The following PXN variants were observed in gnomAD, a reference collection of about 807,000 sequenced individuals.
PXN encodes the protein testicular tissue protein Li 134.
In PXN, 61 loss-of-function variants were observed where a neutral mutation model predicts 103.6. The observed-to-expected ratio is 0.59, with a 90% CI of 0.48 to 0.73. The LOEUF is 0.73. Ranked by LOEUF, PXN falls within the 30% of genes least tolerant of loss-of-function variation. The pLI is 0.00. For missense variants in PXN, 1,274 were observed against 1,460.3 expected, an observed-to-expected ratio of 0.87 and a Z score of 2.08; for synonymous variants, 562 against 607.8, an observed-to-expected ratio of 0.92 and a Z score of 1.11.
In PXN at chr12:120,212,238, C is replaced by A; in HGVS notation, c.*76G>T. The A allele has an allele frequency of 6.5e-7, 1 of 1,537,566 alleles. No homozygotes were observed. The highest frequency in any genetic ancestry group is 8.8e-7 in the Non-Finnish European group (1 of 1,137,826). On this transcript the variant is annotated 3_prime_UTR_variant, in exon 15 of 15. Transcript: ENST00000637617. The surrounding 1 kb of genome is among the most constrained non-coding windows in gnomAD (Gnocchi z 7.2). ...TCAGTCGGGTTTACCCCTTCACCCCCGGGTGAAGTCTCTAGGTCACAGTCG... is the reference window on the plus strand; with the variant it reads ...TCAGTCGGGTTTACCCCTTCACCCCAGGGTGAAGTCTCTAGGTCACAGTCG...
intron 1 of PXN, among the ~76,000 whole-genome samples, chr12:120,246,854 TAA>T (rs869044889): frequency 2.1e-4 from 27 of 128,610 alleles, no homozygotes; most frequent in Non-Finnish European, 1.8e-4. Context: ...GAATCTGTCT[TAA>T]AAAAAAAAAA....
At position 120,219,907 on chromosome 12, in the gene PXN, C is replaced by A. The variant is rs370039679; in HGVS notation, c.1016G>T (p.Gly339Val). The A allele has an allele frequency of 6.3e-7, 1 of 1,598,248 alleles. No homozygotes were observed. Among genetic ancestry groups the A allele is most frequent in the East Asian group, 2.2e-5 (1 of 44,872 alleles). ...EFPCTEQSGR[G>V]LLPPVAPSWL... is the part of the protein sequence containing the mutation. The stretch of plus-strand genomic sequence containing the variant: ...GCTGGGGGCTACAGGAGGTAGAAGG[C>A]CTCGTCCACTCTGCTCAGTACAAGG... The change falls in exon 7 of 15, where the codon GGC becomes GTC. Residue 339 changes from glycine to valine, a missense_variant. By Grantham distance (109) the Gly-to-Val change is moderately radical. Coordinates refer to ENST00000637617, the MANE Select transcript of PXN (RefSeq NM_001385981.1). The surrounding 1 kb of genome is among the most constrained non-coding windows in gnomAD (Gnocchi z 6.5).
chr12:120,259,719 T>C (rs1399674931), intron 1 of PXN, among the ~76,000 whole-genome samples: 1 of 152,124 alleles, frequency 6.6e-6, no homozygotes, highest in Non-Finnish European at 1.5e-5. Flanking sequence ...CAAGGCCAGA[T>C]ATGAGACTCC....
Position 120,214,227 on chromosome 12 carries a change from C to T in PXN, c.2749-10G>A. On this transcript the variant is annotated splice_polypyrimidine_tract_variant and intron_variant, in intron 12 of 14. Transcript: ENST00000637617. This position sits in a 1 kb window ranked among gnomAD's most constrained non-coding sequence, Gnocchi z 5.0. ...GGGCTGTCACCACTTTCTGTGAAAG[C>T]AAAATGTGGGATCAAGGCTGAGCTC... is the stretch of plus-strand genomic sequence containing the variant. 1 of 1,550,734 alleles carries T rather than the reference C, an allele frequency of 6.4e-7. No individual in the cohort carries two copies. The highest frequency in any genetic ancestry group is 8.7e-7 in the Non-Finnish European group (1 of 1,146,232).
intron 1 of PXN, among the ~76,000 whole-genome samples, chr12:120,262,181 G>A (rs947589511): frequency 4.6e-5 from 7 of 152,102 alleles, no homozygotes; most frequent in Non-Finnish European, 8.8e-5. Flanking sequence ...TACCCCCAAG[G>A]ACAATGAGGC....
At chr12:120,243,317 CA>C (rs1422042505) in intron 1 of PXN, among the ~76,000 whole-genome samples, 1 of 152,148 alleles carries the variant, frequency 6.6e-6, no homozygotes, top group South Asian at 2.1e-4. Flanking sequence ...GGTCTCTTTC[CA>C]AAATCTTATT....
Position 120,222,523 on chromosome 12 carries a change from C to G in PXN, c.695+26G>C. On this transcript the variant is annotated intron_variant, in intron 5 of 14. Coordinates refer to ENST00000637617, the MANE Select transcript of PXN (RefSeq NM_001385981.1). The surrounding 1 kb of genome is among the most constrained non-coding windows in gnomAD (Gnocchi z 4.7). ...GCAGGCTGGGCCAGCCCTTCCCCAC[C>G]TGGGGAGGGCCCAGTGGGTACTCAC... 4 of 1,567,596 alleles carry G rather than the reference C, an allele frequency of 2.6e-6. No homozygotes were observed. Among genetic ancestry groups the G allele is most frequent in the Non-Finnish European group, 3.5e-6 (4 of 1,156,444 alleles).
intron 1 of PXN, among the ~76,000 whole-genome samples, chr12:120,248,529 C>T (rs551534008): frequency 3.8e-4 from 57 of 150,866 alleles, no homozygotes; most frequent in Non-Finnish European, 7.1e-4. Flanking sequence ...CACACACACA[C>T]ACACACACAC....
chr12:120,234,728 C>T (rs371116036), intron 1 of PXN, among the ~76,000 whole-genome samples: 75 of 152,308 alleles, frequency 4.9e-4, no homozygotes, highest in Middle Eastern at 3.4e-3. Flanking sequence ...TTTACTCAGG[C>T]ACCTCATAGC....
In PXN at chr12:120,225,003, A is replaced by C; in HGVS notation, c.14-626T>G. On this transcript the variant is annotated intron_variant, in intron 1 of 14. Coordinates refer to ENST00000637617, the MANE Select transcript of PXN (RefSeq NM_001385981.1). The surrounding 1 kb of genome is among the most constrained non-coding windows in gnomAD (Gnocchi z 4.4). Reference sequence around the variant, plus strand: ...AGCGGTCCCCACCCCCTCAGTGAGCAGGGGGCAAGACTGCTCCATTGGCTG... The same window carrying C: ...AGCGGTCCCCACCCCCTCAGTGAGCCGGGGGCAAGACTGCTCCATTGGCTG... The C allele has an allele frequency of 5.9e-6, 2 of 336,594 alleles. No individual in the cohort carries two copies. The highest frequency in any genetic ancestry group is 1.2e-5 in the Non-Finnish European group (2 of 168,148). The allele number at this position is 336,594 out of a possible 1,614,324, so 20.9% of individuals were successfully genotyped here. A position where few individuals can be genotyped will look rare whatever the true frequency, so the allele number is the denominator to read the frequency against.
chr12:120,222,259 G>A lies in PXN; in HGVS notation c.695+290C>T, dbSNP rs1458564338. ...GAAAACTAAGGCTTGAGAGCTGACA[G>A]TAACTGTCAGAGCCAAGATGTGAAC... On this transcript the variant is annotated intron_variant, in intron 5 of 14. Coordinates refer to ENST00000637617, the MANE Select transcript of PXN (RefSeq NM_001385981.1). This position sits in a 1 kb window ranked among gnomAD's most constrained non-coding sequence, Gnocchi z 4.7. Among the ~76,000 whole-genome samples the A allele has an allele frequency of 6.6e-6, 1 of 152,230 alleles. No homozygotes were observed. The highest frequency in any genetic ancestry group is 1.5e-5 in the Non-Finnish European group (1 of 68,032).
intron 1 of PXN, among the ~76,000 whole-genome samples, chr12:120,234,408 CA>C (rs975953099): frequency 6.6e-6 from 1 of 151,478 alleles, no homozygotes; most frequent in South Asian, 2.1e-4. Context: ...GACTCTGTCT[CA>C]AAAAAACAAA....
Position 120,222,814 on chromosome 12 carries a change from A to T in PXN, c.493+49T>A, listed in dbSNP as rs1227204639. 4.4e-6 allele frequency: 7 copies of T among 1,607,124 alleles called. No individual in the cohort carries two copies. In the East Asian group the frequency reaches 1.6e-4, roughly 36 times the overall value. On this transcript the variant is annotated intron_variant, in intron 4 of 14. Transcript: ENST00000637617. This position sits in a 1 kb window ranked among gnomAD's most constrained non-coding sequence, Gnocchi z 4.7. ...GCCCTCCTGGGATCTAGAGGTCAGC[A>T]GATGGGCCCTGGGCCCTGGTAGACC...
At chr12:120,227,165 G>A (rs1887033688) in intron 1 of PXN, 2 of 989,376 alleles carry the variant, frequency 2.0e-6, no homozygotes, top group African/African-American at 1.7e-5. Flanking sequence ...ATTGTAGCAT[G>A]TCCCAGCCTG....
intron 1 of PXN, among the ~76,000 whole-genome samples, chr12:120,254,645 G>A (rs566449679): frequency 6.6e-6 from 1 of 152,146 alleles, no homozygotes; most frequent in South Asian, 2.1e-4. Context: ...CCGCCTCCCA[G>A]GTTCAAGAGA....
chr12:120,240,749 T>G (rs1216389506), intron 1 of PXN, among the ~76,000 whole-genome samples: 2 of 152,178 alleles, frequency 1.3e-5, no homozygotes, highest in East Asian at 3.9e-4. Context: ...ATGGCCCTTC[T>G]GAAGTCTCTG....
In PXN at chr12:120,219,244, G is replaced by A. The variant is rs1884281010; in HGVS notation, c.1679C>T (p.Thr560Ile). 1.9e-6 allele frequency: 3 copies of A among 1,594,726 alleles called. No individual in the cohort carries two copies. Among genetic ancestry groups the A allele is most frequent in the Non-Finnish European group, 2.5e-6 (3 of 1,177,182 alleles). ...GGAAATCCTCTCCGTGGTGCTGGGT[G>A]TGCCCATGGCCATGGCACATGGAAG... is the stretch of plus-strand genomic sequence containing the variant. Reference protein sequence around the residue: ...PELPCAMAMGTPSTTERISTS... With the variant: ...PELPCAMAMGIPSTTERISTS... The change falls in exon 7 of 15, where the codon ACA becomes ATA. Residue 560 changes from threonine to isoleucine, a missense_variant. Around this residue, in one of 2 missense-constraint regions of PXN, gnomAD observed 1,178 missense variants for 1,309.0 expected, o/e 0.90. Transcript: ENST00000637617. This position sits in a 1 kb window ranked among gnomAD's most constrained non-coding sequence, Gnocchi z 6.5.
rs900243627 is a variant in PXN, at chr12:120,214,798, G to A, written c.2748+27C>T. On this transcript the variant is annotated intron_variant, in intron 12 of 14. Coordinates refer to ENST00000637617, the MANE Select transcript of PXN (RefSeq NM_001385981.1). The surrounding 1 kb of genome is among the most constrained non-coding windows in gnomAD (Gnocchi z 5.0). ...CGGTGAAGCTGGAATGAGCGGAAGC[G>A]GGCGCGGTGCCGGATGAGGAACTCA... 18 of 1,612,434 alleles carry A rather than the reference G, an allele frequency of 1.1e-5. No homozygotes were observed. Among genetic ancestry groups the A allele is most frequent in the Middle Eastern group, 1.7e-4 (1 of 6,026 alleles).
intron 1 of PXN, among the ~76,000 whole-genome samples, chr12:120,230,011 G>A (rs564247758): frequency 5.9e-5 from 9 of 152,300 alleles, no homozygotes; most frequent in African/African-American, 1.7e-4. Context: ...ACCTTAGCAC[G>A]CCTTGCATTC....
Sources: gnomAD v4.1 joint callset for allele counts (sites outside exome capture counted in the v4.1 genomes callset) on GRCh38, gnomAD v4.1.1 for gene constraint, gnomAD v4.1.1 regional missense constraint, Gnocchi (gnomAD v3.1) non-coding constraint, MANE v1.5 for transcripts, NCBI Gene and HGNC (gene_info 2026-07-23, HGNC 2026-07-21) for gene names.